Variants in SPATA22 observed in about 807,000 individuals in gnomAD.
SPATA22 encodes the protein spermatogenesis associated 22, also known as spermatogenesis-associated protein 22.
A neutral mutation model predicts 47.8 loss-of-function variants in SPATA22; 29 were observed. The observed-to-expected ratio is 0.61, with a 90% CI of 0.45 to 0.83. SPATA22 has a LOEUF of 0.83. Among genes scored for constraint, SPATA22 ranks in the 40% least tolerant of loss-of-function variants. The probability of loss-of-function intolerance (pLI) is 0.00; values close to 1 mark genes in which losing one functional copy is unlikely to be tolerated. For missense variants in SPATA22, 410 were observed against 421.7 expected, an observed-to-expected ratio of 0.97 and a Z score of 0.24; for synonymous variants, 133 against 140.9, an observed-to-expected ratio of 0.94 and a Z score of 0.40.
intron 6 of SPATA22, among the ~76,000 whole-genome samples, chr17:3,447,614 G>A (rs1405630553): frequency 6.6e-6 from 1 of 152,070 alleles, no homozygotes; most frequent in African/African-American, 2.4e-5. Flanking sequence ...ATGGCTTTTT[G>A]AAAAGATTGC....
chr17:3,474,974 G>T (rs1437208953), upstream of SPATA22, among the ~76,000 whole-genome samples: 1 of 152,170 alleles, frequency 6.6e-6, no homozygotes, highest in Non-Finnish European at 1.5e-5. Flanking sequence ...CTGCAGTGGG[G>T]ATGTCAACAC....
At chr17:3,493,864 G>A (rs1480598176) in intron 1 of SPATA22, among the ~76,000 whole-genome samples, 1 of 152,126 alleles carries the variant, frequency 6.6e-6, no homozygotes, top group African/African-American at 2.4e-5. Flanking sequence ...CCGTCGGCGT[G>A]TTTGTGGACA....
intron 2 of SPATA22, chr17:3,468,121 T>A (rs1754517202): frequency 6.6e-6 from 1 of 152,208 alleles, no homozygotes; most frequent in African/African-American, 2.4e-5. Context: ...ACCTCGGGTA[T>A]CTGTAATTAT....
chr17:3,471,849 AGGCGCAGTGGCCGCCACCTC>A, upstream of SPATA22: 1 of 985,492 alleles, frequency 1.0e-6, no homozygotes, highest in South Asian at 4.7e-5. Flanking sequence ...TGGACCGCGC[AGGCGCAGTGGCCGCCACCTC>A]GGCGCGATGG....
intron 1 of SPATA22, among the ~76,000 whole-genome samples, chr17:3,493,525 C>T (rs2073858994): frequency 7.8e-6 from 1 of 127,622 alleles, no homozygotes; most frequent in East Asian, 2.6e-4. Flanking sequence ...CACGCCACTG[C>T]ACTCCAGCCT....
Position 3,465,099 on chromosome 17 carries a change from C to T in SPATA22, c.172+2327G>A, listed in dbSNP as rs1416146075. Among the ~76,000 whole-genome samples the T allele has an allele frequency of 4.3e-5, 5 of 117,014 alleles. 1 individual carries two copies. The East Asian group carries it at 7.4e-4, about 17-fold the overall frequency. 76.8% of individuals were successfully genotyped at this position (117,014 alleles called of 152,430 possible). ...CAGCCCCTCCACCCGGCAGCCACCC[C>T]GTCTGGGAAGTGAGGAGCGTCTCCG... On this transcript the variant is annotated intron_variant, in intron 3 of 8. Transcript: ENST00000572969.
intron 1 of SPATA22, among the ~76,000 whole-genome samples, chr17:3,478,078 G>A (rs1399922925): frequency 6.6e-5 from 10 of 151,778 alleles, no homozygotes; most frequent in Non-Finnish European, 8.8e-5. Context: ...CCAGCTATTC[G>A]GGAGACTGAG....
upstream of SPATA22, chr17:3,471,960 C>CATCCCTGGGTCCA: frequency 1.5e-6 from 1 of 654,378 alleles, no homozygotes; most frequent in Non-Finnish European, 1.9e-6. Flanking sequence ...CACTGTGGAC[C>CATCCCTGGGTCCA]CAGGGATGGC....
intron 1 of SPATA22, among the ~76,000 whole-genome samples, chr17:3,506,582 G>C (rs11657794): frequency 0.22 from 33,282 of 152,108 alleles, 3,932 homozygotes; most frequent in Non-Finnish European, 0.27. Flanking sequence ...TCACAGTCTT[G>C]AAACATAAGA....
chr17:3,454,857 T>A (rs1336341207), intron 5 of SPATA22, among the ~76,000 whole-genome samples: 1 of 152,182 alleles, frequency 6.6e-6, no homozygotes, highest in Non-Finnish European at 1.5e-5. Flanking sequence ...CAGTTCTAGA[T>A]CCTTGAGGAA....
At chr17:3,507,920 G>A (rs548409376) in intron 1 of SPATA22, among the ~76,000 whole-genome samples, 5 of 151,992 alleles carry the variant, frequency 3.3e-5, no homozygotes, top group African/African-American at 9.7e-5. Flanking sequence ...TTTTCTACCC[G>A]TCCACCCAAA....
At chr17:3,443,370 C>T (rs2072639943) in intron 7 of SPATA22, 99 bp from the exon 8 acceptor site, 4 of 755,658 alleles carry the variant, frequency 5.3e-6, no homozygotes, top group Admixed American at 2.8e-5. Context: ...CCATATCAAC[C>T]TCTCATAGTG....
chr17:3,447,406 T>C (rs1427036667), intron 6 of SPATA22, among the ~76,000 whole-genome samples: 2 of 151,744 alleles, frequency 1.3e-5, no homozygotes, highest in African/African-American at 4.8e-5. Context: ...AGGTAGTTTC[T>C]TCCCTCTTCC....
chr17:3,499,447 CTGTA>C (rs1567620352), intron 1 of SPATA22: 2 of 155,896 alleles, frequency 1.3e-5, no homozygotes, highest in Non-Finnish European at 2.8e-5. Context: ...TTCACGGATA[CTGTA>C]CTTGTACTTT....
chr17:3,488,102 A>T lies in SPATA22; in HGVS notation c.-73-18704T>A, dbSNP rs1397841501. On this transcript the variant is annotated intron_variant, in intron 1 of 8. Transcript: ENST00000541913. The surrounding 1 kb of genome is among the most constrained non-coding windows in gnomAD (Gnocchi z 6.1). ...GGTGAAAACAAGATGAGTGTAAAAG[A>T]ATGCAGTATGTTAATGGGATGGAAG... Among the ~76,000 whole-genome samples, 2 of 152,222 alleles carry T rather than the reference A, an allele frequency of 1.3e-5. No individual in the cohort carries two copies. The highest frequency in any genetic ancestry group is 4.8e-5 in the African/African-American group (2 of 41,454).
intron 1 of SPATA22, among the ~76,000 whole-genome samples, chr17:3,497,027 C>T (rs141578804): frequency 1.4e-3 from 209 of 152,312 alleles, no homozygotes; most frequent in African/African-American, 4.7e-3. Context: ...GATTGTGCCA[C>T]TGCACTCCAG....
intron 5 of SPATA22, among the ~76,000 whole-genome samples, chr17:3,455,550 G>GGAAT (rs1414091347): frequency 2.8e-5 from 4 of 141,828 alleles, no homozygotes; most frequent in African/African-American, 5.2e-5. Context: ...TATTAAATAG[G>GGAAT]GAATCCTTTC....
upstream of SPATA22, among the ~76,000 whole-genome samples, chr17:3,474,619 G>A (rs556007215): frequency 1.3e-5 from 2 of 152,270 alleles, no homozygotes; most frequent in South Asian, 4.1e-4. Flanking sequence ...TTAATGCATA[G>A]ATTTGATGTG....
chr17:3,447,008 T>C (rs952778670), intron 6 of SPATA22, among the ~76,000 whole-genome samples: 1 of 152,174 alleles, frequency 6.6e-6, no homozygotes, highest in Non-Finnish European at 1.5e-5. Flanking sequence ...GAGCACCTAC[T>C]ACATGCCAAA....
Sources: gnomAD v4.1 joint callset for allele counts (sites outside exome capture counted in the v4.1 genomes callset) on GRCh38, gnomAD v4.1.1 for gene constraint, Gnocchi (gnomAD v3.1) non-coding constraint, MANE v1.5 for transcripts, NCBI Gene and HGNC (gene_info 2026-07-23, HGNC 2026-07-21) for gene names.